The following ACBD6 variants were observed in gnomAD, a reference collection of about 807,000 sequenced individuals.
ACBD6 encodes the protein acyl-CoA-binding domain-containing protein 6.
Under a neutral mutation model 37.2 loss-of-function variants are expected in ACBD6, and 28 were observed. The ratio of observed to expected loss-of-function variants is 0.75; its 90% CI spans 0.56 to 1.03. The LOEUF (loss-of-function observed/expected upper bound fraction) is 1.03, where lower values mean the gene tolerates loss of function less well. Ranked by LOEUF, ACBD6 falls within the 50% of genes least tolerant of loss-of-function variation. The probability of loss-of-function intolerance (pLI) is 0.00; values close to 1 mark genes in which losing one functional copy is unlikely to be tolerated. For missense variants in ACBD6, 340 were observed against 337.4 expected, an observed-to-expected ratio of 1.01 and a Z score of -0.06; for synonymous variants, 113 against 126.8, an observed-to-expected ratio of 0.89 and a Z score of 0.73.
At chr1:180,461,434 G>A (rs534933180) in intron 3 of ACBD6, among the ~76,000 whole-genome samples, 4 of 152,178 alleles carry the variant, frequency 2.6e-5, no homozygotes, top group East Asian at 3.9e-4. Flanking sequence ...GATACCTCAC[G>A]AGAAGATCAT....
At chr1:180,486,310 A>G (rs892908325) in intron 3 of ACBD6, among the ~76,000 whole-genome samples, 21 of 152,246 alleles carry the variant, frequency 1.4e-4, no homozygotes, top group African/African-American at 5.1e-4. Flanking sequence ...ACACAAAAAA[A>G]TCAATGTGAG....
At chr1:180,290,087 A>G (rs1276345647) in intron 7 of ACBD6, among the ~76,000 whole-genome samples, 1 of 152,170 alleles carries the variant, frequency 6.6e-6, no homozygotes, top group East Asian at 1.9e-4. Flanking sequence ...TTCTTCATAT[A>G]CATTTTATAT....
At chr1:180,480,456 G>A (rs1391972380) in intron 3 of ACBD6, among the ~76,000 whole-genome samples, 1 of 152,190 alleles carries the variant, frequency 6.6e-6, no homozygotes, top group Non-Finnish European at 1.5e-5. Flanking sequence ...TTTCTCACTT[G>A]AATGAACTCA....
At chr1:180,338,917 G>A (rs1651855175) in intron 6 of ACBD6, among the ~76,000 whole-genome samples, 1 of 152,246 alleles carries the variant, frequency 6.6e-6, no homozygotes, top group East Asian at 1.9e-4. Flanking sequence ...GCAGCCAAAA[G>A]ACACATGAAA....
chr1:180,284,027 G>A (rs1476450703), downstream of ACBD6, among the ~76,000 whole-genome samples: 1 of 152,114 alleles, frequency 6.6e-6, no homozygotes, highest in South Asian at 2.1e-4. Flanking sequence ...TGATTCATGC[G>A]AAGTGATCCA....
At chr1:180,384,134 TAA>T (rs199936146) in intron 6 of ACBD6, among the ~76,000 whole-genome samples, 18 of 141,176 alleles carry the variant, frequency 1.3e-4, no homozygotes, top group East Asian at 4.1e-4. Flanking sequence ...AAGCAGAGAT[TAA>T]AAAAAAAAAA....
chr1:180,389,011 T>A (rs181100498), intron 6 of ACBD6, among the ~76,000 whole-genome samples: 1 of 152,316 alleles, frequency 6.6e-6, no homozygotes, highest in East Asian at 1.9e-4. Context: ...GCAATTTTTT[T>A]TTATTATTAT....
rs146231162 is a variant in ACBD6 at position 180,443,587 on chromosome 1, G to A, written c.385-13325C>T. The stretch of plus-strand genomic sequence containing the variant: ...AATGCTGCCAGGTAATAAATGGGAC[G>A]CACCTGCAAGGCACAGCTTGTTTTT... On this transcript the variant is annotated intron_variant, in intron 3 of 7. Coordinates refer to ENST00000367595, the MANE Select transcript of ACBD6 (RefSeq NM_032360.4). Among the ~76,000 whole-genome samples the A allele has an allele frequency of 2.4e-4, 37 of 152,006 alleles. No individual in the cohort carries two copies. In the East Asian group the frequency reaches 6.4e-3, roughly 26 times the overall value.
intron 6 of ACBD6, among the ~76,000 whole-genome samples, chr1:180,360,218 C>A (rs1256591631): frequency 6.6e-6 from 1 of 152,180 alleles, no homozygotes; most frequent in Non-Finnish European, 1.5e-5. Context: ...CATGTTATTT[C>A]CCCCCTTCAG....
chr1:180,365,576 A>G (rs568178228), intron 6 of ACBD6, among the ~76,000 whole-genome samples: 20 of 152,304 alleles, frequency 1.3e-4, no homozygotes, highest in Middle Eastern at 3.4e-3. Context: ...TTACATCCTA[A>G]TAATTGCTAT....
chr1:180,339,984 C>G (rs1382805095), intron 6 of ACBD6, among the ~76,000 whole-genome samples: 2 of 151,968 alleles, frequency 1.3e-5, no homozygotes, highest in Non-Finnish European at 2.9e-5. Context: ...AATAAGCTGT[C>G]TAAATATCTG....
intron 4 of ACBD6, among the ~76,000 whole-genome samples, chr1:180,425,318 G>A (rs559678201): frequency 8.9e-4 from 136 of 152,322 alleles, no homozygotes; most frequent in Middle Eastern, 3.4e-3. Context: ...AGATTCTCCA[G>A]GGGGAGTTGC....
chr1:180,352,352 T>C (rs1399706215), intron 6 of ACBD6, among the ~76,000 whole-genome samples: 1 of 152,104 alleles, frequency 6.6e-6, no homozygotes, highest in Non-Finnish European at 1.5e-5. Context: ...CAAGTGATCT[T>C]CCTGCCTTAG....
At position 180,288,474 on chromosome 1, in the gene ACBD6, C is replaced by G. The variant is rs1649574855; in HGVS notation, c.738G>C (p.Gln246His). ...EFLDIVELLL[Q>H]SGADPTLRDQ... is the part of the protein sequence containing the mutation. ...CTCGGAGAGTGGGGTCAGCACCAGACTGGAGCAGCAGCTCTACAATATCCA... is the reference window on the plus strand; with the variant it reads ...CTCGGAGAGTGGGGTCAGCACCAGAGTGGAGCAGCAGCTCTACAATATCCA... Residue 246 changes from glutamine to histidine, a missense_variant, in exon 8 of 8, where the codon CAG (glutamine) becomes CAC (histidine). Coordinates refer to ENST00000367595, the MANE Select transcript of ACBD6 (RefSeq NM_032360.4). 1.2e-6 allele frequency: 2 copies of G among 1,613,634 alleles called. No homozygotes were observed. Among genetic ancestry groups the G allele is most frequent in the Non-Finnish European group, 8.5e-7 (1 of 1,179,952 alleles).
chr1:180,469,192 T>C (rs1357521112), intron 3 of ACBD6, among the ~76,000 whole-genome samples: 1 of 152,178 alleles, frequency 6.6e-6, no homozygotes, highest in Non-Finnish European at 1.5e-5. Flanking sequence ...ACCCTGATTG[T>C]TTTTTTAGAT....
intron 1 of ACBD6, among the ~76,000 whole-genome samples, chr1:180,496,113 T>A (rs889376081): frequency 1.3e-5 from 2 of 152,274 alleles, no homozygotes; most frequent in Non-Finnish European, 2.9e-5. Context: ...TCTACAATAG[T>A]CTTATCATCT....
At chr1:180,313,271 C>T (rs943552003) in intron 7 of ACBD6, among the ~76,000 whole-genome samples, 5 of 152,092 alleles carry the variant, frequency 3.3e-5, no homozygotes, top group Non-Finnish European at 5.9e-5. Context: ...ACAGGTTATG[C>T]TAGACAAATT....
chr1:180,295,169 T>G (rs887555664), intron 7 of ACBD6, among the ~76,000 whole-genome samples: 1 of 152,220 alleles, frequency 6.6e-6, no homozygotes, highest in African/African-American at 2.4e-5. Context: ...TAATTTGCCC[T>G]TCTTTTTTTG....
At chr1:180,500,389 TA>T (rs1396350186) in intron 1 of ACBD6, among the ~76,000 whole-genome samples, 4 of 152,114 alleles carry the variant, frequency 2.6e-5, no homozygotes, top group African/African-American at 9.7e-5. Context: ...TCAAGTACTT[TA>T]AGTCTCTTAA....
Sources: gnomAD v4.1 joint callset for allele counts (sites outside exome capture counted in the v4.1 genomes callset) on GRCh38, gnomAD v4.1.1 for gene constraint, MANE v1.5 for transcripts, NCBI Gene and HGNC (gene_info 2026-07-23, HGNC 2026-07-21) for gene names.